The following RUNDC3B variants were observed in gnomAD, a reference collection of about 807,000 sequenced individuals.
The protein encoded by RUNDC3B is RUN domain-containing protein 3B.
A neutral mutation model predicts 58.4 loss-of-function variants in RUNDC3B; 33 were observed. That is an observed-to-expected ratio of 0.56 (90% CI 0.43 to 0.75). The LOEUF (loss-of-function observed/expected upper bound fraction) is 0.75, where lower values mean the gene tolerates loss of function less well. Ranked by LOEUF, RUNDC3B falls within the 30% of genes least tolerant of loss-of-function variation. RUNDC3B has a pLI of 0.00. For synonymous variants in RUNDC3B, 193 were observed against 195.2 expected, an observed-to-expected ratio of 0.99 and a Z score of 0.10; for missense variants, 501 against 535.7, an observed-to-expected ratio of 0.94 and a Z score of 0.64.
chr7:87,804,218 T>C (rs1285707009), intron 8 of RUNDC3B, among the ~76,000 whole-genome samples: 2 of 152,106 alleles, frequency 1.3e-5, no homozygotes, highest in Admixed American at 1.3e-4. Flanking sequence ...AGGGATATAG[T>C]TAATGCTGGG....
intron 1 of RUNDC3B, among the ~76,000 whole-genome samples, chr7:87,647,148 G>A (rs947196517): frequency 4.6e-5 from 7 of 152,172 alleles, no homozygotes; most frequent in African/African-American, 1.7e-4. Context: ...TTTCATAGGA[G>A]AGTTATTTCA....
chr7:87,633,644 A>G (rs767107715), intron 1 of RUNDC3B, among the ~76,000 whole-genome samples: 2 of 152,154 alleles, frequency 1.3e-5, no homozygotes, highest in African/African-American at 2.4e-5. Context: ...GGGAAAGTAT[A>G]TAACTAAACT....
chr7:87,746,322 C>A (rs983466201), intron 6 of RUNDC3B, among the ~76,000 whole-genome samples: 3 of 152,124 alleles, frequency 2.0e-5, no homozygotes, highest in Non-Finnish European at 2.9e-5. Flanking sequence ...AGCCCATTTG[C>A]TCCAAGGTAT....
chr7:87,816,330 A>G, intron 10 of RUNDC3B, 68 bp downstream of exon 10: 2 of 1,226,890 alleles, frequency 1.6e-6, no homozygotes, highest in Non-Finnish European at 2.3e-6. Flanking sequence ...GTTGCAGATG[A>G]TTGCCAGAGA....
At chr7:87,821,492 C>T (rs1266276914) in intron 10 of RUNDC3B, among the ~76,000 whole-genome samples, 38 of 152,082 alleles carry the variant, frequency 2.5e-4, no homozygotes, top group East Asian at 2.1e-3. Context: ...TTCAATGCCA[C>T]CCCCATCAAG....
intron 1 of RUNDC3B, among the ~76,000 whole-genome samples, chr7:87,633,223 G>T (rs900276686): frequency 1.3e-5 from 2 of 152,116 alleles, no homozygotes; most frequent in African/African-American, 2.4e-5. Flanking sequence ...ATTTATTTTG[G>T]AGCGCAGGAT....
chr7:87,763,971 TATG>T (rs1232324800), intron 6 of RUNDC3B, among the ~76,000 whole-genome samples: 1 of 151,818 alleles, frequency 6.6e-6, no homozygotes, highest in African/African-American at 2.4e-5. Context: ...TCTTTGTGTT[TATG>T]ATATTTTTCA....
At chr7:87,709,594 A>G (rs1829890302) in intron 3 of RUNDC3B, 2 of 816,024 alleles carry the variant, frequency 2.5e-6, no homozygotes, top group Admixed American at 1.2e-4. Flanking sequence ...GACAGGTTTT[A>G]ACTACTGCCT....
chr7:87,832,005 A>C lies in RUNDC3B; in HGVS notation c.*1975A>C, dbSNP rs1838151044. ...TGCTAAATGCAGATTTAAACATTAC[A>C]TCTGAGGATCATGACTTTTCCTCCT... is the stretch of plus-strand genomic sequence containing the variant. On this transcript the variant is annotated 3_prime_UTR_variant, in exon 11 of 11. Coordinates refer to ENST00000394654, the MANE Select transcript of RUNDC3B (RefSeq NM_001134405.2). 1 of 151,990 alleles carries C rather than the reference A, an allele frequency of 6.6e-6. No homozygotes were observed. Among genetic ancestry groups the C allele is most frequent in the Non-Finnish European group, 1.5e-5 (1 of 67,888 alleles). 9.4% of individuals were successfully genotyped at this position (151,990 alleles called of 1,614,324 possible).
intron 2 of RUNDC3B, among the ~76,000 whole-genome samples, chr7:87,652,170 C>G (rs916789309): frequency 3.9e-5 from 6 of 152,018 alleles, no homozygotes; most frequent in Non-Finnish European, 8.8e-5. Flanking sequence ...TCTGATGTAC[C>G]TTGATGTTCA....
intron 2 of RUNDC3B, 81 bp from the exon 3 acceptor site, chr7:87,700,340 C>A: frequency 8.1e-7 from 1 of 1,236,302 alleles, no homozygotes. Flanking sequence ...CTTTATTTTT[C>A]AGAATTTTAT....
intron 6 of RUNDC3B, among the ~76,000 whole-genome samples, chr7:87,753,540 T>C (rs965256364): frequency 1.3e-5 from 2 of 152,214 alleles, no homozygotes; most frequent in African/African-American, 4.8e-5. Flanking sequence ...AGGACTTACT[T>C]TATGAATCTG....
At chr7:87,664,028 A>G (rs540261206) in intron 2 of RUNDC3B, among the ~76,000 whole-genome samples, 66 of 152,268 alleles carry the variant, frequency 4.3e-4, no homozygotes, top group Admixed American at 1.0e-3. Flanking sequence ...AAACATGTGA[A>G]TTTTGGAGGC....
chr7:87,717,999 A>G (rs1203007499), intron 4 of RUNDC3B, among the ~76,000 whole-genome samples: 1 of 152,152 alleles, frequency 6.6e-6, no homozygotes, highest in Admixed American at 6.6e-5. Flanking sequence ...AGTGTGATTT[A>G]TTCTGGGAAT....
intron 6 of RUNDC3B, among the ~76,000 whole-genome samples, chr7:87,749,705 A>T (rs1832850056): frequency 6.6e-6 from 1 of 152,040 alleles, no homozygotes; most frequent in Admixed American, 6.6e-5. Flanking sequence ...GAAGTAATAC[A>T]TATTCATGGT....
At chr7:87,699,945 T>C (rs1828868933) in intron 2 of RUNDC3B, among the ~76,000 whole-genome samples, 1 of 152,192 alleles carries the variant, frequency 6.6e-6, no homozygotes, top group Non-Finnish European at 1.5e-5. Context: ...AACAACACAT[T>C]GTATACCTTT....
intron 10 of RUNDC3B, among the ~76,000 whole-genome samples, chr7:87,822,581 A>G (rs559378181): frequency 3.9e-5 from 6 of 152,360 alleles, no homozygotes; most frequent in African/African-American, 1.4e-4. Flanking sequence ...ATAAAGACAC[A>G]TGCACACATA....
At chr7:87,722,974 T>A (rs1287659101) in intron 4 of RUNDC3B, among the ~76,000 whole-genome samples, 1 of 152,158 alleles carries the variant, frequency 6.6e-6, no homozygotes, top group African/African-American at 2.4e-5. Context: ...CTCAAGAACG[T>A]GAAGTTGTAG....
At chr7:87,741,474 A>G in intron 5 of RUNDC3B, 25 bp from the exon 6 acceptor site, 1 of 1,248,088 alleles carries the variant, frequency 8.0e-7, no homozygotes, top group African/African-American at 1.5e-5. Context: ...TATTAATAGG[A>G]AATATTTATT....
Sources: allele counts gnomAD v4.1 joint callset (sites outside exome capture counted in the v4.1 genomes callset), GRCh38; gene constraint gnomAD v4.1.1; transcripts MANE v1.5; gene names NCBI Gene and HGNC (gene_info 2026-07-23, HGNC 2026-07-21).